CPEB1: variants seen among roughly 807,000 people sequenced by gnomAD.
The protein encoded by CPEB1 is cytoplasmic polyadenylation element-binding protein 1.
Under a neutral mutation model 65.8 loss-of-function variants are expected in CPEB1, and 7 were observed. The observed-to-expected ratio is 0.11, with a 90% CI of 0.06 to 0.20. The LOEUF is 0.20. Ranked by LOEUF, CPEB1 falls within the 10% of genes least tolerant of loss-of-function variation. The pLI is 1.00. For missense variants in CPEB1, 551 were observed against 712.2 expected (o/e 0.77, Z 2.58); for synonymous variants, 262 against 260.0 (o/e 1.01, Z -0.08).
chr15:82,578,524 G>T (rs543351030), intron 3 of CPEB1, among the ~76,000 whole-genome samples: 3 of 152,130 alleles, frequency 2.0e-5, no homozygotes, highest in Non-Finnish European at 4.4e-5. Flanking sequence ...AGCACTTTGG[G>T]AAGCCGAGGC....
rs534210019 is a variant in CPEB1 at position 82,610,737 on chromosome 15, C to A, written c.271+16456G>T. Among the ~76,000 whole-genome samples the A allele has an allele frequency of 2.6e-5, 4 of 151,820 alleles. No individual in the cohort carries two copies. The East Asian group carries it at 7.8e-4, about 29-fold the overall frequency. ...CTTTGGGAGGCCAAGGCCGGTGGAT[C>A]ACCTGAGGTCAGGAGTTGGAGTCCA... On this transcript the variant is annotated intron_variant, in intron 3 of 12. Transcript: ENST00000684509.
At chr15:82,629,447 C>A in intron 1 of CPEB1, 1 of 966,356 alleles carries the variant, frequency 1.0e-6, no homozygotes, top group African/African-American at 2.0e-5. Context: ...AAAAAGAACT[C>A]CTATATATAT....
chr15:82,636,799 A>G (rs17356528), intron 1 of CPEB1, among the ~76,000 whole-genome samples: 40,775 of 152,026 alleles, frequency 0.27, 5,919 homozygotes, highest in South Asian at 0.43. Flanking sequence ...CACTCCTGTC[A>G]TAGGTATTTT....
chr15:82,565,419 G>A (rs899054158), intron 4 of CPEB1, among the ~76,000 whole-genome samples: 5 of 152,166 alleles, frequency 3.3e-5, no homozygotes, highest in African/African-American at 7.2e-5. Context: ...ACGCAGCACC[G>A]ATTTCCACCA....
At chr15:82,625,627 T>A (rs946937386) in intron 3 of CPEB1, among the ~76,000 whole-genome samples, 1 of 152,154 alleles carries the variant, frequency 6.6e-6, no homozygotes, top group Non-Finnish European at 1.5e-5. Flanking sequence ...TCCATACGTG[T>A]GGGTTTTACA....
intron 3 of CPEB1, among the ~76,000 whole-genome samples, chr15:82,619,307 T>C (rs1459234019): frequency 1.3e-5 from 2 of 152,156 alleles, no homozygotes; most frequent in Non-Finnish European, 1.5e-5. Context: ...TCCAGATGGG[T>C]TGCAAATCTA....
At chr15:82,570,681 G>T (rs1596041756) in intron 4 of CPEB1, among the ~76,000 whole-genome samples, 1 of 151,886 alleles carries the variant, frequency 6.6e-6, no homozygotes, top group Admixed American at 6.6e-5. Flanking sequence ...TCCTAAAGGG[G>T]AGTGGCTCTT....
At chr15:82,605,334 T>C (rs955031793) in intron 3 of CPEB1, among the ~76,000 whole-genome samples, 1 of 151,990 alleles carries the variant, frequency 6.6e-6, no homozygotes, top group Non-Finnish European at 1.5e-5. Flanking sequence ...GTAAATATAA[T>C]AGAGAGTATA....
At chr15:82,640,760 T>C (rs764798031) in intron 1 of CPEB1, 1 of 152,160 alleles carries the variant, frequency 6.6e-6, no homozygotes, top group Non-Finnish European at 1.5e-5. Context: ...AACAGTCAAC[T>C]GGTGCTTCTA....
chr15:82,560,597 TG>T (rs997751139), intron 4 of CPEB1, among the ~76,000 whole-genome samples: 1 of 151,744 alleles, frequency 6.6e-6, no homozygotes, highest in Non-Finnish European at 1.5e-5. Context: ...GCATCTATGT[TG>T]CCCAGGCTGG....
At chr15:82,642,471 A>T (rs1432419237) in intron 1 of CPEB1, among the ~76,000 whole-genome samples, 1 of 152,198 alleles carries the variant, frequency 6.6e-6, no homozygotes, top group Non-Finnish European at 1.5e-5. Flanking sequence ...CCCTTAAGCC[A>T]GGGAGCTTTG....
intron 3 of CPEB1, among the ~76,000 whole-genome samples, chr15:82,621,001 G>A (rs539995559): frequency 1.3e-5 from 2 of 152,262 alleles, no homozygotes; most frequent in South Asian, 4.1e-4. Flanking sequence ...TTAAATCGTT[G>A]CCACTTAACT....
At chr15:82,553,661 G>T in intron 7 of CPEB1, 105 bp from the exon 8 acceptor site, 1 of 880,642 alleles carries the variant, frequency 1.1e-6, no homozygotes, top group South Asian at 1.4e-5. Flanking sequence ...CATCCCCACT[G>T]ACAAACAACT....
In CPEB1 at chr15:82,563,357, CTTTTTTT is replaced by C. The variant is rs71453394; in HGVS notation, c.461-5378_461-5372del. ...GAATGTATGTAAGATCATCTCTATT[CTTTTTTT>C]TTTTTTTTTTTTTTTTTGAGCAAGG... On this transcript the variant is annotated intron_variant, in intron 4 of 12. Coordinates refer to ENST00000684509, the MANE Select transcript of CPEB1 (RefSeq NM_001365242.1). 2.3e-4 allele frequency among the ~76,000 whole-genome samples: 21 copies of C among 92,068 alleles called. 1 individual carries two copies. Among genetic ancestry groups the C allele is most frequent in the African/African-American group, 4.7e-4 (11 of 23,650 alleles). The allele number at this position is 92,068 out of a possible 152,430, so 60.4% of individuals were successfully genotyped here. A position where few individuals can be genotyped will look rare whatever the true frequency, so the allele number is the denominator to read the frequency against.
intron 3 of CPEB1, among the ~76,000 whole-genome samples, chr15:82,604,850 A>G (rs1395379391): frequency 6.6e-6 from 1 of 152,166 alleles, no homozygotes; most frequent in Non-Finnish European, 1.5e-5. Flanking sequence ...GTGAAGAAAT[A>G]ATGGCAGAAA....
chr15:82,623,509 T>A (rs2045495581), intron 3 of CPEB1, among the ~76,000 whole-genome samples: 1 of 152,066 alleles, frequency 6.6e-6, no homozygotes, highest in African/African-American at 2.4e-5. Flanking sequence ...GAAACCCCCA[T>A]CTCTACTAAT....
intron 3 of CPEB1, among the ~76,000 whole-genome samples, chr15:82,581,755 C>T (rs1416658420): frequency 2.0e-5 from 3 of 152,048 alleles, no homozygotes; most frequent in Admixed American, 6.6e-5. Flanking sequence ...AAAATCTCCC[C>T]GACACCAGGT....
chr15:82,613,743 T>C (rs1303942884), intron 3 of CPEB1, among the ~76,000 whole-genome samples: 1 of 152,166 alleles, frequency 6.6e-6, no homozygotes, highest in Admixed American at 6.5e-5. Context: ...CTTCAGCATA[T>C]TTAAAGGAGA....
chr15:82,575,664 T>C (rs1409967880), intron 3 of CPEB1, among the ~76,000 whole-genome samples: 2 of 152,098 alleles, frequency 1.3e-5, no homozygotes, highest in Non-Finnish European at 2.9e-5. Context: ...ATTATATAAA[T>C]GGCCAATAAG....
Sources: allele counts gnomAD v4.1 joint callset (sites outside exome capture counted in the v4.1 genomes callset), GRCh38; gene constraint gnomAD v4.1.1; transcripts MANE v1.5; gene names NCBI Gene and HGNC (gene_info 2026-07-23, HGNC 2026-07-21).